BIN2: variants seen among roughly 807,000 people sequenced by gnomAD.
The protein encoded by BIN2 is breast cancer associated protein BRAP1.
A neutral mutation model predicts 67.9 loss-of-function variants in BIN2; 43 were observed. The observed-to-expected ratio is 0.63, with a 90% confidence interval of 0.50 to 0.82. BIN2 has a LOEUF of 0.82. Among genes scored for constraint, BIN2 ranks in the 40% least tolerant of loss-of-function variants. The probability of loss-of-function intolerance (pLI) is 0.00; values close to 1 mark genes in which losing one functional copy is unlikely to be tolerated. For missense variants in BIN2, 581 were observed against 671.6 expected (o/e 0.87, Z 1.49); for synonymous variants, 244 against 246.8 (o/e 0.99, Z 0.11).
In BIN2 at chr12:51,299,594, G is replaced by A. The variant is rs929110424; in HGVS notation, c.516+13C>T. On this transcript the variant is annotated intron_variant, in intron 6 of 12. Transcript: ENST00000615107. ...GAAGGGTTTACCAGTTTTTGTTGTT[G>A]TTTTTGTTTTACCTTGGCAGTCTTG... The A allele has an allele frequency of 2.5e-6, 4 of 1,611,828 alleles. No homozygotes were observed. Among genetic ancestry groups the A allele is most frequent in the Non-Finnish European group, 3.4e-6 (4 of 1,178,356 alleles).
chr12:51,316,015 T>A (rs1946117124), intron 1 of BIN2, among the ~76,000 whole-genome samples: 1 of 152,148 alleles, frequency 6.6e-6, no homozygotes, highest in Admixed American at 6.6e-5. Context: ...TTCATCCTCT[T>A]CATTGAATCC....
At chr12:51,283,914 A>C (rs1275299956) in intron 12 of BIN2, among the ~76,000 whole-genome samples, 1 of 150,522 alleles carries the variant, frequency 6.6e-6, no homozygotes, top group Admixed American at 6.7e-5. Context: ...GAATTGCTTG[A>C]ACCCAGAGGC....
chr12:51,286,093 G>A (rs1463193119), intron 11 of BIN2, among the ~76,000 whole-genome samples: 2 of 152,000 alleles, frequency 1.3e-5, no homozygotes, highest in East Asian at 3.8e-4. Context: ...GATTCAAATG[G>A]TAAGCAAGAA....
Position 51,291,909 on chromosome 12 carries a change from T to C in BIN2, c.1197A>G (p.Glu399=), listed in dbSNP as rs1200073815. 2 of 1,614,166 alleles carry C rather than the reference T, an allele frequency of 1.2e-6. No individual in the cohort carries two copies. The highest frequency in any genetic ancestry group is 1.7e-6 in the Non-Finnish European group (2 of 1,180,018). Reference sequence around the variant, plus strand: ...GGATAGAGGCTCTCTTCTTTGGTTGTTCAGATCCTTCACTTGCGGTGCGGG... The same window carrying C: ...GGATAGAGGCTCTCTTCTTTGGTTGCTCAGATCCTTCACTTGCGGTGCGGG... ...LRTRTASEGS[E]QPKKRASIQR... The change falls in exon 10 of 13, where the codon GAA becomes GAG. Residue 399 remains glutamate (E), a synonymous_variant. Transcript: ENST00000615107.
intron 1 of BIN2, among the ~76,000 whole-genome samples, chr12:51,320,271 C>G (rs1319054996): frequency 6.6e-6 from 1 of 152,216 alleles, no homozygotes; most frequent in African/African-American, 2.4e-5. Context: ...CTACCCACCT[C>G]GCCCTCCCAA....
At chr12:51,299,141 G>T in intron 7 of BIN2, 62 bp downstream of exon 7, 2 of 1,180,650 alleles carry the variant, frequency 1.7e-6, no homozygotes, top group Non-Finnish European at 1.3e-6. Context: ...TCTACTTACT[G>T]TCAAGGCACA....
At chr12:51,288,733 A>G (rs533925119) in intron 10 of BIN2, among the ~76,000 whole-genome samples, 1 of 144,970 alleles carries the variant, frequency 6.9e-6, no homozygotes, top group East Asian at 2.1e-4. Context: ...ACCTGACTGG[A>G]GATAATCTAT....
chr12:51,324,208 G>A, upstream of BIN2: 2 of 1,501,026 alleles, frequency 1.3e-6, no homozygotes, highest in Non-Finnish European at 8.8e-7. Flanking sequence ...TCCGGCCCCA[G>A]CCCTGAGCCA....
chr12:51,321,103 CA>C (rs1197622984), intron 1 of BIN2, among the ~76,000 whole-genome samples: 1 of 151,280 alleles, frequency 6.6e-6, no homozygotes, highest in Admixed American at 6.6e-5. Context: ...GATGCCTGAA[CA>C]AAAAGTGTTT....
intron 1 of BIN2, among the ~76,000 whole-genome samples, chr12:51,314,237 G>A (rs147718817): frequency 0.084 from 12,743 of 151,474 alleles, 581 homozygotes; most frequent in Non-Finnish European, 0.11. Flanking sequence ...TAGTAGAGAC[G>A]GGGTTTCACC....
intron 1 of BIN2, among the ~76,000 whole-genome samples, chr12:51,316,314 C>T (rs1946128772): frequency 7.2e-6 from 1 of 139,686 alleles, no homozygotes; most frequent in Non-Finnish European, 1.5e-5. Flanking sequence ...AAAACCCCGT[C>T]TCTACTAAAA....
At chr12:51,324,609 TA>T, upstream of BIN2, 1 of 1,373,884 alleles carries the variant, frequency 7.3e-7, no homozygotes, top group Non-Finnish European at 9.6e-7. Flanking sequence ...CTGGAACTGG[TA>T]GGGATAGAGT....
chr12:51,285,513 G>A (rs1255551826), intron 11 of BIN2, among the ~76,000 whole-genome samples: 2 of 151,932 alleles, frequency 1.3e-5, no homozygotes, highest in Non-Finnish European at 2.9e-5. Context: ...GCTATGCTAG[G>A]GGAAGACCCT....
At chr12:51,294,036 A>AGAAC (rs1477415711) in intron 9 of BIN2, among the ~76,000 whole-genome samples, 1 of 152,230 alleles carries the variant, frequency 6.6e-6, no homozygotes, top group East Asian at 1.9e-4. Context: ...AATGTAAAAC[A>AGAAC]TGTTCATCAC....
chr12:51,294,339 C>T (rs1052736158), intron 9 of BIN2, among the ~76,000 whole-genome samples: 5 of 152,138 alleles, frequency 3.3e-5, no homozygotes, highest in South Asian at 2.1e-4. Flanking sequence ...GAGGCCAAGG[C>T]GGGCGGATCA....
At chr12:51,300,255 T>G (rs188573267) in intron 5 of BIN2, among the ~76,000 whole-genome samples, 2 of 152,086 alleles carry the variant, frequency 1.3e-5, no homozygotes, top group African/African-American at 4.8e-5. Context: ...TCTGTATTAA[T>G]TATATATATG....
Position 51,291,873 on chromosome 12 carries a change from T to G in BIN2, c.1233A>C (p.Ser411=), listed in dbSNP as rs775916802. ...PKKRASIQRT[S]APPSRPPPPR... Reference sequence around the variant, plus strand: ...GTGGAGGAGGCCTACTAGGGGGTGCTGAGGTCCTCTGGATAGAGGCTCTCT... The same window carrying G: ...GTGGAGGAGGCCTACTAGGGGGTGCGGAGGTCCTCTGGATAGAGGCTCTCT... The change falls in exon 10 of 13, where the codon TCA becomes TCC. Residue 411 remains serine (S), a synonymous_variant. Transcript: ENST00000615107. The G allele has an allele frequency of 5.0e-6, 8 of 1,614,178 alleles. No individual in the cohort carries two copies. The highest frequency in any genetic ancestry group is 5.9e-6 in the Non-Finnish European group (7 of 1,180,022).
At chr12:51,319,982 C>T (rs4761845) in intron 1 of BIN2, among the ~76,000 whole-genome samples, 81,192 of 151,202 alleles carry the variant, frequency 0.54, 21,938 homozygotes, top group Non-Finnish European at 0.56. Flanking sequence ...TCCTTTTCTC[C>T]CTCTCTTTCT....
intron 3 of BIN2, 78 bp from the exon 4 acceptor site, chr12:51,302,858 G>T: frequency 7.5e-7 from 1 of 1,326,446 alleles, no homozygotes. Flanking sequence ...ACAAATCAGT[G>T]GTTCCAATTC....
Sources: allele counts gnomAD v4.1 joint callset (sites outside exome capture counted in the v4.1 genomes callset), GRCh38; gene constraint gnomAD v4.1.1; transcripts MANE v1.5; gene names NCBI Gene and HGNC (gene_info 2026-07-23, HGNC 2026-07-21).